PIK3R1: variants seen among roughly 807,000 people sequenced by gnomAD.
PIK3R1 encodes the protein phosphoinositide-3-kinase regulatory subunit 1, also known as phosphatidylinositol 3-kinase regulatory subunit alpha.
Under a neutral mutation model 98.0 loss-of-function variants are expected in PIK3R1, and 29 were observed. The observed-to-expected ratio is 0.30, with a 90% CI of 0.22 to 0.40. The LOEUF (loss-of-function observed/expected upper bound fraction) is 0.40, where lower values mean the gene tolerates loss of function less well. PIK3R1 is among the 10% of genes least tolerant of loss of function. The pLI, the probability that PIK3R1 is intolerant of heterozygous loss-of-function variation, is 1.00. For missense variants in PIK3R1, 596 were observed against 872.7 expected (o/e 0.68, Z 3.99); for synonymous variants, 282 against 311.8 (o/e 0.90, Z 1.01).
chr5:68,265,110 A>C (rs541189801), intron 2 of PIK3R1, among the ~76,000 whole-genome samples: 3 of 152,202 alleles, frequency 2.0e-5, no homozygotes, highest in African/African-American at 7.2e-5. Flanking sequence ...TTGTGGTCCG[A>C]GGACCGGCAG....
At chr5:68,222,032 C>T (rs1435474587) in intron 1 of PIK3R1, among the ~76,000 whole-genome samples, 1 of 152,190 alleles carries the variant, frequency 6.6e-6, no homozygotes, top group Non-Finnish European at 1.5e-5. Flanking sequence ...GCCTATATCA[C>T]AAAACTGCCT....
chr5:68,255,261 ATGGATATAAGAAATAACCCACTCT>A (rs1165416302), intron 2 of PIK3R1, among the ~76,000 whole-genome samples: 2 of 152,222 alleles, frequency 1.3e-5, no homozygotes, highest in African/African-American at 2.4e-5. Flanking sequence ...TTTCCGTGCC[ATGGATATAAGAAATAACCCACTCT>A]TACCGATAAA....
chr5:68,295,175 G>A lies in PIK3R1; in HGVS notation c.1596G>A (p.Lys532=). 6.2e-7 allele frequency: 1 copy of A among 1,613,980 alleles called. No individual in the cohort carries two copies. Among genetic ancestry groups the A allele is most frequent in the Non-Finnish European group, 8.5e-7 (1 of 1,179,884 alleles). ...TTATGCATAATTATGATAAGTTGAA[G>A]TCTCGAATCAGTGAAATTATTGACA... The part of the protein sequence containing the change: ...QRIMHNYDKL[K]SRISEIIDSR... The change falls in exon 13 of 16, where the codon AAG becomes AAA. Residue 532 remains lysine (K), a synonymous_variant. Transcript: ENST00000521381.
At chr5:68,293,884 A>AT in intron 11 of PIK3R1, 50 bp downstream of exon 11, 1 of 1,397,996 alleles carries the variant, frequency 7.2e-7, no homozygotes, top group Non-Finnish European at 9.8e-7. Context: ...CTAAACTTTT[A>AT]AAGACTAACA....
At position 68,226,602 on chromosome 5, in the gene PIK3R1, T is replaced by G; in HGVS notation, c.-74T>G. 1.6e-6 allele frequency: 2 copies of G among 1,226,026 alleles called. No homozygotes were observed. The highest frequency in any genetic ancestry group is 4.0e-5 in the Admixed American group (2 of 50,128). 75.9% of individuals were successfully genotyped at this position (1,226,026 alleles called of 1,614,324 possible). A position where few individuals can be genotyped will look rare whatever the true frequency, so the allele number is the denominator to read the frequency against. ...ATTCTAACACATTCTCTGAATTCAC[T>G]TTTCATAAAAACGTAAAATCAGACT... On this transcript the variant is annotated 5_prime_UTR_variant, in exon 2 of 16. Coordinates refer to ENST00000521381, the MANE Select transcript of PIK3R1 (RefSeq NM_181523.3).
At chr5:68,274,678 T>C (rs1026412450) in intron 4 of PIK3R1, among the ~76,000 whole-genome samples, 3 of 152,188 alleles carry the variant, frequency 2.0e-5, no homozygotes, top group African/African-American at 4.8e-5. Context: ...GGATGTGGAA[T>C]TGGGAAGAAT....
At chr5:68,225,413 C>A (rs1251639284) in intron 1 of PIK3R1, among the ~76,000 whole-genome samples, 1 of 152,302 alleles carries the variant, frequency 6.6e-6, no homozygotes, top group Middle Eastern at 3.4e-3. Context: ...TCACCGTCAG[C>A]CCATCAGGTC....
intron 1 of PIK3R1, among the ~76,000 whole-genome samples, chr5:68,223,070 TCAGCATCATCA>T (rs1281603465): frequency 2.0e-5 from 3 of 151,330 alleles, no homozygotes; most frequent in African/African-American, 7.4e-5. Context: ...CTATATATAG[TCAGCATCATCA>T]TATCATCTAA....
In PIK3R1 at chr5:68,295,117, A is replaced by G. The variant is rs369282713; in HGVS notation, c.1569-31A>G. 15 of 1,597,640 alleles carry G rather than the reference A, an allele frequency of 9.4e-6. No individual in the cohort carries two copies. The African/African-American group carries it at 1.6e-4, about 17-fold the overall frequency. On this transcript the variant is annotated intron_variant, in intron 12 of 15. Coordinates refer to ENST00000521381, the MANE Select transcript of PIK3R1 (RefSeq NM_181523.3). ...TGGGGACCGTTCCTGATGTACCCAG[A>G]TAATAACAAATACGTTTCTTTTGCC...
intron 7 of PIK3R1, among the ~76,000 whole-genome samples, chr5:68,289,770 A>G (rs1337049285): frequency 1.3e-5 from 2 of 148,468 alleles, no homozygotes; most frequent in African/African-American, 5.1e-5. Flanking sequence ...AAAAAAAAAA[A>G]AAAAAAAAAA....
intron 1 of PIK3R1, 140 bp from the exon 2 acceptor site, chr5:68,226,150 G>T: frequency 3.1e-6 from 1 of 317,686 alleles, no homozygotes. Context: ...ACTAATCTCT[G>T]TTGTGTCAAG....
At chr5:68,232,820 C>T (rs934061907) in intron 2 of PIK3R1, among the ~76,000 whole-genome samples, 3 of 152,180 alleles carry the variant, frequency 2.0e-5, no homozygotes, top group Admixed American at 2.0e-4. Context: ...TATGTATATC[C>T]TAAGTAAAGC....
At chr5:68,272,905 T>G (rs925350731) in intron 2 of PIK3R1, among the ~76,000 whole-genome samples, 7 of 152,212 alleles carry the variant, frequency 4.6e-5, no homozygotes, top group Non-Finnish European at 1.0e-4. Context: ...TGTCAACTGT[T>G]CAATAAAATC....
intron 2 of PIK3R1, among the ~76,000 whole-genome samples, chr5:68,254,462 ATC>A (rs1745435822): frequency 6.6e-6 from 1 of 152,250 alleles, no homozygotes; most frequent in Non-Finnish European, 1.5e-5. Flanking sequence ...GGACATTGGA[ATC>A]TCTCTATAAA....
intron 2 of PIK3R1, among the ~76,000 whole-genome samples, chr5:68,267,830 T>G (rs1746186701): frequency 6.6e-6 from 1 of 152,184 alleles, no homozygotes; most frequent in South Asian, 2.1e-4. Flanking sequence ...TTCTGAAGAT[T>G]TTGAGTATTG....
chr5:68,253,500 C>T (rs1046302052), intron 2 of PIK3R1, among the ~76,000 whole-genome samples: 3 of 152,158 alleles, frequency 2.0e-5, no homozygotes, highest in East Asian at 1.9e-4. Context: ...CCTCTGGCCT[C>T]GGGAGCACAT....
chr5:68,257,479 G>T (rs915431802), intron 2 of PIK3R1, among the ~76,000 whole-genome samples: 10 of 152,180 alleles, frequency 6.6e-5, no homozygotes, highest in Non-Finnish European at 1.0e-4. Context: ...GCCCCACAGG[G>T]GAGTAATGTA....
intron 1 of PIK3R1, among the ~76,000 whole-genome samples, chr5:68,218,793 A>C (rs1319779260): frequency 6.6e-6 from 1 of 152,250 alleles, no homozygotes; most frequent in Non-Finnish European, 1.5e-5. Flanking sequence ...AAGCATTTTA[A>C]TGAAGCCCTG....
At chr5:68,292,462 A>C (rs770679258) in intron 8 of PIK3R1, 101 bp downstream of exon 8, 5 of 1,432,420 alleles carry the variant, frequency 3.5e-6, no homozygotes, top group Non-Finnish European at 3.9e-6. Context: ...CAACATAAGC[A>C]TGAAGCATAG....
Sources: allele counts gnomAD v4.1 joint callset (sites outside exome capture counted in the v4.1 genomes callset), GRCh38; gene constraint gnomAD v4.1.1; transcripts MANE v1.5; gene names NCBI Gene and HGNC (gene_info 2026-07-23, HGNC 2026-07-21).